The following GPC5 variants were observed in gnomAD, a reference collection of about 807,000 sequenced individuals.
GPC5 encodes glypican 5, also known as glypican-5.
Under a neutral mutation model 53.9 loss-of-function variants are expected in GPC5, and 47 were observed. The ratio of observed to expected loss-of-function variants is 0.87; its 90% CI spans 0.69 to 1.11. The LOEUF (loss-of-function observed/expected upper bound fraction) is 1.11. GPC5 is among the 50% of genes most tolerant of loss of function. The pLI is 0.00. For missense variants in GPC5, 748 were observed against 713.1 expected (o/e 1.05, Z -0.56); for synonymous variants, 286 against 263.3 (o/e 1.09, Z -0.84).
chr13:92,354,351 G>GAA (rs1412420335), intron 7 of GPC5, among the ~76,000 whole-genome samples: 2 of 152,156 alleles, frequency 1.3e-5, no homozygotes, highest in Non-Finnish European at 2.9e-5. Context: ...AAAAATAGTT[G>GAA]AAAGCATGTT....
chr13:92,575,080 T>C (rs1883149527), intron 7 of GPC5, among the ~76,000 whole-genome samples: 1 of 152,212 alleles, frequency 6.6e-6, no homozygotes, highest in Non-Finnish European at 1.5e-5. Flanking sequence ...TCTTCTCTAC[T>C]CCTTCTGCTC....
intron 2 of GPC5, among the ~76,000 whole-genome samples, chr13:91,539,904 G>A (rs188743033): frequency 2.6e-5 from 4 of 151,956 alleles, no homozygotes; most frequent in African/African-American, 9.6e-5. Flanking sequence ...GTGAACTTTT[G>A]TATAATGCCA....
At chr13:91,952,804 T>C (rs2040039749) in intron 6 of GPC5, among the ~76,000 whole-genome samples, 1 of 152,000 alleles carries the variant, frequency 6.6e-6, no homozygotes, top group South Asian at 2.1e-4. Flanking sequence ...AATAGAGAGG[T>C]TGGCTAAACT....
At chr13:91,550,709 G>A (rs960624924) in intron 2 of GPC5, among the ~76,000 whole-genome samples, 29 of 152,034 alleles carry the variant, frequency 1.9e-4, no homozygotes, top group Non-Finnish European at 2.9e-4. Context: ...GTTTGGCTAT[G>A]TCCTCACCCA....
intron 7 of GPC5, among the ~76,000 whole-genome samples, chr13:92,587,513 G>A (rs146628986): frequency 7.0e-6 from 1 of 143,124 alleles, no homozygotes; most frequent in Non-Finnish European, 1.6e-5. Flanking sequence ...GCAATATTTT[G>A]TTAAAACAGA....
At chr13:91,403,309 C>G (rs556294985) in intron 1 of GPC5, among the ~76,000 whole-genome samples, 1 of 152,268 alleles carries the variant, frequency 6.6e-6, no homozygotes, top group African/African-American at 2.4e-5. Context: ...AGATTGCACA[C>G]CAAAGGGACT....
intron 6 of GPC5, among the ~76,000 whole-genome samples, chr13:91,941,585 A>T (rs1157857156): frequency 3.3e-5 from 5 of 152,042 alleles, no homozygotes; most frequent in Non-Finnish European, 7.4e-5. Context: ...ACATGTCTAG[A>T]TCCCTCAAAA....
intron 2 of GPC5, among the ~76,000 whole-genome samples, chr13:91,633,136 CAAG>C (rs1379808838): frequency 1.3e-5 from 2 of 152,112 alleles, no homozygotes. Flanking sequence ...TGTAGGAAAA[CAAG>C]AATACCATTC....
chr13:92,552,353 A>C (rs1472061658), intron 7 of GPC5, among the ~76,000 whole-genome samples: 1 of 151,918 alleles, frequency 6.6e-6, no homozygotes, highest in Admixed American at 6.6e-5. Flanking sequence ...AAAAAGAAGA[A>C]CAACAGATAA....
intron 3 of GPC5, among the ~76,000 whole-genome samples, chr13:91,727,206 T>C (rs2036593517): frequency 1.3e-5 from 2 of 152,210 alleles, no homozygotes; most frequent in African/African-American, 4.8e-5. Context: ...ATAACAGATA[T>C]TTATTTTTAA....
At chr13:91,655,750 G>A (rs1164330159) in intron 2 of GPC5, among the ~76,000 whole-genome samples, 1 of 151,984 alleles carries the variant, frequency 6.6e-6, no homozygotes, top group Non-Finnish European at 1.5e-5. Context: ...GACTTTGGGG[G>A]AAAAAATTCA....
Position 91,472,263 on chromosome 13 carries a change from T to A in GPC5, c.325+23341T>A, listed in dbSNP as rs76311779. ...TTTAGTTTTTCAGTGTCAATTACGG[T>A]CTTCTTTAGATGGATGGGATAAAGA... On this transcript the variant is annotated intron_variant, in intron 2 of 7. Coordinates refer to ENST00000377067, the MANE Select transcript of GPC5 (RefSeq NM_004466.6). Among the ~76,000 whole-genome samples the A allele has an allele frequency of 6.9e-3, 1,058 of 152,298 alleles. 15 individuals carry two copies. The highest frequency in any genetic ancestry group is 0.024 in the African/African-American group (1,015 of 41,592).
intron 7 of GPC5, among the ~76,000 whole-genome samples, chr13:92,327,755 C>T (rs1479643485): frequency 6.6e-6 from 1 of 152,132 alleles, no homozygotes; most frequent in Non-Finnish European, 1.5e-5. Context: ...GAAATCAAAA[C>T]TTTTCAGTAT....
At chr13:91,961,462 A>G (rs1020089642) in intron 6 of GPC5, among the ~76,000 whole-genome samples, 5 of 151,986 alleles carry the variant, frequency 3.3e-5, no homozygotes, top group Admixed American at 2.6e-4. Flanking sequence ...AGTAATTGGA[A>G]CACTCATACA....
chr13:92,536,228 C>T (rs1594285536), intron 7 of GPC5, among the ~76,000 whole-genome samples: 1 of 151,986 alleles, frequency 6.6e-6, no homozygotes, highest in African/African-American at 2.4e-5. Flanking sequence ...ACTATAGTTC[C>T]CAACTATCCA....
chr13:92,128,236 T>C (rs193203949), intron 6 of GPC5, among the ~76,000 whole-genome samples: 1 of 152,194 alleles, frequency 6.6e-6, no homozygotes, highest in African/African-American at 2.4e-5. Context: ...ACCTGAGCCC[T>C]ACAGGCCAAA....
chr13:91,524,041 T>C (rs1182101349), intron 2 of GPC5, among the ~76,000 whole-genome samples: 1 of 152,036 alleles, frequency 6.6e-6, no homozygotes, highest in Admixed American at 6.6e-5. Flanking sequence ...TAAATATAAA[T>C]ACATTTTTAA....
intron 7 of GPC5, among the ~76,000 whole-genome samples, chr13:92,170,704 C>T (rs948046641): frequency 6.6e-6 from 1 of 152,052 alleles, no homozygotes. Flanking sequence ...GGATTACAGG[C>T]GTAAGCCACC....
chr13:91,851,421 C>A (rs1180959224), intron 5 of GPC5, among the ~76,000 whole-genome samples: 3 of 152,062 alleles, frequency 2.0e-5, no homozygotes, highest in African/African-American at 4.8e-5. Flanking sequence ...AATGTGAAGA[C>A]CAAAGACATT....
Sources: allele counts gnomAD v4.1 joint callset (sites outside exome capture counted in the v4.1 genomes callset), GRCh38; gene constraint gnomAD v4.1.1; transcripts MANE v1.5; gene names NCBI Gene and HGNC (gene_info 2026-07-23, HGNC 2026-07-21).